EFNA5: variants seen among roughly 807,000 people sequenced by gnomAD.
EFNA5 encodes ephrin A5.
Under a neutral mutation model 22.9 loss-of-function variants are expected in EFNA5, and 5 were observed. The ratio of observed to expected loss-of-function variants is 0.22; its 90% confidence interval spans 0.11 to 0.46. EFNA5 has a LOEUF of 0.46. Ranked by LOEUF, EFNA5 falls within the 20% of genes least tolerant of loss-of-function variation. The pLI is 0.99. For synonymous variants in EFNA5, 113 were observed against 112.2 expected, an observed-to-expected ratio of 1.01 and a Z score of -0.04; for missense variants, 237 against 293.3, an observed-to-expected ratio of 0.81 and a Z score of 1.40.
intron 1 of EFNA5, among the ~76,000 whole-genome samples, chr5:107,516,281 T>C (rs1747479235): frequency 6.6e-6 from 1 of 151,220 alleles, no homozygotes; most frequent in African/African-American, 2.4e-5. Flanking sequence ...TAAGCAATCC[T>C]CTCGCCTCGG....
chr5:107,439,018 AT>A (rs570055022), intron 1 of EFNA5, among the ~76,000 whole-genome samples: 7 of 151,800 alleles, frequency 4.6e-5, no homozygotes, highest in African/African-American at 1.2e-4. Context: ...CTATTTTAGG[AT>A]TTTTTTTCTC....
At chr5:107,617,861 C>A (rs1353155568) in intron 1 of EFNA5, among the ~76,000 whole-genome samples, 1 of 152,030 alleles carries the variant, frequency 6.6e-6, no homozygotes, top group Non-Finnish European at 1.5e-5. Context: ...AACTCAGATT[C>A]AAAAATCATG....
intron 2 of EFNA5, among the ~76,000 whole-genome samples, chr5:107,396,951 A>C (rs1224182359): frequency 6.6e-6 from 1 of 152,178 alleles, no homozygotes; most frequent in East Asian, 1.9e-4. Context: ...CTGCTTTTGC[A>C]ACTGTATACC....
At chr5:107,428,630 G>T (rs1300868988) in intron 1 of EFNA5, among the ~76,000 whole-genome samples, 1 of 152,166 alleles carries the variant, frequency 6.6e-6, no homozygotes, top group Non-Finnish European at 1.5e-5. Context: ...AGCTGGTGAG[G>T]AAATTCTTCT....
intron 4 of EFNA5, among the ~76,000 whole-genome samples, chr5:107,385,338 T>C (rs1344887335): frequency 6.6e-6 from 1 of 152,172 alleles, no homozygotes; most frequent in Non-Finnish European, 1.5e-5. Context: ...ATATGCAATC[T>C]GTTAGGTGTC....
chr5:107,594,118 G>A (rs1749427907), intron 1 of EFNA5, among the ~76,000 whole-genome samples: 2 of 152,058 alleles, frequency 1.3e-5, no homozygotes, highest in South Asian at 2.1e-4. Context: ...TGTAACCTGG[G>A]TATATCTACC....
chr5:107,531,575 G>T (rs1747811952), intron 1 of EFNA5, among the ~76,000 whole-genome samples: 2 of 152,250 alleles, frequency 1.3e-5, no homozygotes, highest in African/African-American at 2.4e-5. Flanking sequence ...GGACGAAGAG[G>T]TAAGAATTAG....
chr5:107,387,823 A>G (rs1317387412), intron 2 of EFNA5, 52 bp from the exon 3 acceptor site: 1 of 1,217,214 alleles, frequency 8.2e-7, no homozygotes, highest in Admixed American at 2.1e-5. Context: ...ACAACAACAT[A>G]TTACTCTTCA....
At chr5:107,387,176 T>C in intron 4 of EFNA5, 59 bp downstream of exon 4, 1 of 1,252,004 alleles carries the variant, frequency 8.0e-7, no homozygotes, top group African/African-American at 1.5e-5. Flanking sequence ...AGGAAAAAAA[T>C]ACGGAAGCAC....
intron 1 of EFNA5, among the ~76,000 whole-genome samples, chr5:107,592,652 A>G (rs1263213199): frequency 6.6e-6 from 1 of 152,210 alleles, no homozygotes; most frequent in Non-Finnish European, 1.5e-5. Context: ...CATGACTGCC[A>G]AAGAGATGCA....
chr5:107,519,281 A>AC (rs1170033700), intron 1 of EFNA5, among the ~76,000 whole-genome samples: 1 of 152,230 alleles, frequency 6.6e-6, no homozygotes, highest in Non-Finnish European at 1.5e-5. Context: ...TGCTTATAGA[A>AC]CATCAGTTAA....
intron 1 of EFNA5, among the ~76,000 whole-genome samples, chr5:107,500,096 C>T (rs1206897636): frequency 6.6e-6 from 1 of 152,136 alleles, no homozygotes. Flanking sequence ...TTTTCTATTC[C>T]CCTCTCTTTT....
intron 2 of EFNA5, among the ~76,000 whole-genome samples, chr5:107,413,849 T>C (rs1407119206): frequency 6.6e-6 from 1 of 152,174 alleles, no homozygotes; most frequent in African/African-American, 2.4e-5. Flanking sequence ...ATGACCATTG[T>C]GAATTAGATG....
chr5:107,532,728 G>A (rs991311075), intron 1 of EFNA5, among the ~76,000 whole-genome samples: 1 of 152,222 alleles, frequency 6.6e-6, no homozygotes, highest in Non-Finnish European at 1.5e-5. Context: ...ATGGCTGTCT[G>A]ACAAAAGCGA....
chr5:107,492,770 G>A (rs152564), intron 1 of EFNA5, among the ~76,000 whole-genome samples: 13,566 of 152,054 alleles, frequency 0.089, 1,230 homozygotes, highest in East Asian at 0.38. Context: ...AGGCCGAGGC[G>A]GGCGGATCAT....
intron 1 of EFNA5, among the ~76,000 whole-genome samples, chr5:107,469,662 T>A (rs904577502): frequency 2.0e-5 from 3 of 151,884 alleles, no homozygotes; most frequent in African/African-American, 7.2e-5. Flanking sequence ...CCCCTTTATT[T>A]TTTTTTTTTA....
chr5:107,593,207 G>C (rs115330054), intron 1 of EFNA5, among the ~76,000 whole-genome samples: 2 of 152,098 alleles, frequency 1.3e-5, no homozygotes, highest in African/African-American at 2.4e-5. Context: ...ACAGAGACTC[G>C]ACCCTTATGT....
intron 1 of EFNA5, among the ~76,000 whole-genome samples, chr5:107,625,718 A>G (rs185960690): frequency 6.6e-6 from 1 of 152,312 alleles, no homozygotes; most frequent in East Asian, 1.9e-4. Context: ...ACCAATTGTG[A>G]AATTAAAATA....
rs1391509558 is a variant in EFNA5, at chr5:107,379,794, T to C, written c.*1461A>G. 6.6e-6 allele frequency: 1 copy of C among 152,072 alleles called. No individual in the cohort carries two copies. The highest frequency in any genetic ancestry group is 1.5e-5 in the Non-Finnish European group (1 of 68,042). 9.4% of individuals were successfully genotyped at this position (152,072 alleles called of 1,614,324 possible). A position where few individuals can be genotyped will look rare whatever the true frequency, so the allele number is the denominator to read the frequency against. ...TGAAACAAGATAGCCCCCATATTTC[T>C]AAATGTATCAAGGGATACCACTTTT... On this transcript the variant is annotated 3_prime_UTR_variant, in exon 5 of 5. Coordinates refer to ENST00000333274, the MANE Select transcript of EFNA5 (RefSeq NM_001962.3).
Sources: allele counts gnomAD v4.1 joint callset (sites outside exome capture counted in the v4.1 genomes callset), GRCh38; gene constraint gnomAD v4.1.1; transcripts MANE v1.5; gene names NCBI Gene and HGNC (gene_info 2026-07-23, HGNC 2026-07-21).